Variants in ATAD2B observed in about 807,000 individuals in gnomAD.
The protein encoded by ATAD2B is ATPase family AAA domain containing 2B, also known as ATPase family AAA domain-containing protein 2B.
In ATAD2B, 40 loss-of-function variants were observed where a neutral mutation model predicts 167.6. The observed-to-expected ratio is 0.24, with a 90% CI of 0.19 to 0.31. ATAD2B has a LOEUF of 0.31. ATAD2B is among the 10% of genes least tolerant of loss of function. ATAD2B has a pLI of 1.00. For missense variants in ATAD2B, 1,242 were observed against 1,757.2 expected, an observed-to-expected ratio of 0.71 and a Z score of 5.24; for synonymous variants, 579 against 596.5, an observed-to-expected ratio of 0.97 and a Z score of 0.43.
Position 23,810,397 on chromosome 2 carries a change from T to C in ATAD2B, c.2373A>G (p.Leu791=), listed in dbSNP as rs1399141455. Residue 791 remains leucine (L), a synonymous_variant, in exon 18 of 28, where the codon CTA becomes CTG. Coordinates refer to ENST00000238789, the MANE Select transcript of ATAD2B (RefSeq NM_017552.4). ...SHLAPALLHT[L]ERFSVHRLDL... Reference sequence around the variant, plus strand: ...CTAGTCTATGCACAGAGAATCTTTCTAGAGTGTGCAAAAGTGCTGGAGCAA... The same window carrying C: ...CTAGTCTATGCACAGAGAATCTTTCCAGAGTGTGCAAAAGTGCTGGAGCAA... 1 of 1,613,938 alleles carries C rather than the reference T, an allele frequency of 6.2e-7. No individual in the cohort carries two copies. Among genetic ancestry groups the C allele is most frequent in the East Asian group, 2.2e-5 (1 of 44,880 alleles).
At chr2:23,896,357 A>C (rs1203156780) in intron 1 of ATAD2B, among the ~76,000 whole-genome samples, 8 of 152,180 alleles carry the variant, frequency 5.3e-5, no homozygotes, top group Non-Finnish European at 1.0e-4. Context: ...ATATTCTTGG[A>C]TAATCAAGCA....
intron 1 of ATAD2B, among the ~76,000 whole-genome samples, chr2:23,905,534 A>C (rs1435611750): frequency 6.6e-6 from 1 of 152,100 alleles, no homozygotes; most frequent in African/African-American, 2.4e-5. Flanking sequence ...AAAAAAAGAA[A>C]AGAAAAGAAA....
intron 1 of ATAD2B, among the ~76,000 whole-genome samples, chr2:23,915,536 CTT>C (rs1298846423): frequency 6.8e-6 from 1 of 147,284 alleles, no homozygotes; most frequent in Non-Finnish European, 1.5e-5. Flanking sequence ...TGCTCAGCCT[CTT>C]GAGTAGCTGG....
intron 1 of ATAD2B, among the ~76,000 whole-genome samples, chr2:23,921,960 GT>G (rs1315427143): frequency 2.6e-5 from 4 of 151,998 alleles, no homozygotes; most frequent in Non-Finnish European, 4.4e-5. Flanking sequence ...ACTCTGCTTT[GT>G]TATGTTGGCA....
intron 8 of ATAD2B, among the ~76,000 whole-genome samples, chr2:23,871,228 C>G (rs568540422): frequency 6.6e-6 from 1 of 152,192 alleles, no homozygotes; most frequent in African/African-American, 2.4e-5. Flanking sequence ...CTTCTCCACC[C>G]CTACCTAGGT....
chr2:23,887,727 G>A (rs1412161966), intron 4 of ATAD2B, 105 bp downstream of exon 4: 3 of 1,038,460 alleles, frequency 2.9e-6, no homozygotes, highest in Non-Finnish European at 4.1e-6. Flanking sequence ...AGTTTTTAAA[G>A]AACTGTATTG....
the ATAD2B span, among the ~76,000 whole-genome samples, chr2:23,702,269 GAACATCATAGTTCAGCCAGCTTACCTTA>G: frequency 1.3e-5 from 2 of 152,100 alleles, no homozygotes; most frequent in African/African-American, 4.8e-5. Flanking sequence ...CTGCCCTACT[GAACATCATAGTTCAGCCAGCTTACCTTA>G]AACATGCTCT....
At chr2:23,814,779 G>A (rs978794499) in intron 17 of ATAD2B, among the ~76,000 whole-genome samples, 29 of 152,176 alleles carry the variant, frequency 1.9e-4, no homozygotes, top group Middle Eastern at 3.4e-3. Context: ...ATGTGGCCTG[G>A]CGCAGTGTCT....
rs1382482956 is a variant in ATAD2B at position 23,751,192 on chromosome 2, T to G, written c.*854A>C. 1 of 152,122 alleles carries G rather than the reference T, an allele frequency of 6.6e-6. No homozygotes were observed. The highest frequency in any genetic ancestry group is 6.6e-5 in the Admixed American group (1 of 15,250). 9.4% of individuals were successfully genotyped at this position (152,122 alleles called of 1,614,324 possible). On this transcript the variant is annotated 3_prime_UTR_variant, in exon 28 of 28. Coordinates refer to ENST00000238789, the MANE Select transcript of ATAD2B (RefSeq NM_017552.4). ...AAACGTGTGCAGTTTTGTTTTTTGT[T>G]TTTTTGTGTGTGGACTGTGTATTAT...
At chr2:23,891,738 G>A (rs1329927274) in intron 2 of ATAD2B, among the ~76,000 whole-genome samples, 9 of 121,462 alleles carry the variant, frequency 7.4e-5, no homozygotes, top group Admixed American at 5.5e-4. Flanking sequence ...ATACCCCCCC[G>A]CCCCGACCCC....
intron 25 of ATAD2B, 129 bp from the exon 26 acceptor site, chr2:23,754,903 A>AT (rs915415178): frequency 8.6e-5 from 82 of 955,746 alleles, no homozygotes; most frequent in Middle Eastern, 3.6e-4. Context: ...TTCTTAAGTG[A>AT]TTTTTTTTAA....
chr2:23,752,151 G>T, intron 27 of ATAD2B, 64 bp from the exon 28 acceptor site: 1 of 1,198,814 alleles, frequency 8.3e-7, no homozygotes, highest in Non-Finnish European at 1.2e-6. Flanking sequence ...CCTCATTACG[G>T]AAGAATTCAC....
intron 10 of ATAD2B, among the ~76,000 whole-genome samples, chr2:23,865,360 C>T (rs1329963123): frequency 6.6e-6 from 1 of 152,086 alleles, no homozygotes; most frequent in Non-Finnish European, 1.5e-5. Context: ...GAAACACCAT[C>T]TCTACTAAAA....
At position 23,885,160 on chromosome 2, in the gene ATAD2B, T is replaced by C. The variant is rs146398966; in HGVS notation, c.676-287A>G. The stretch of plus-strand genomic sequence containing the variant: ...GAAATAAGACAATCACAGGTAATTA[T>C]AAAAGAAAGTAAAATAAGTTAAATG... On this transcript the variant is annotated intron_variant, in intron 5 of 27. Coordinates refer to ENST00000238789, the MANE Select transcript of ATAD2B (RefSeq NM_017552.4). 2.6e-5 allele frequency among the ~76,000 whole-genome samples: 4 copies of C among 152,158 alleles called. No homozygotes were observed. The East Asian group carries it at 5.8e-4, about 22-fold the overall frequency.
intron 1 of ATAD2B, among the ~76,000 whole-genome samples, chr2:23,920,739 G>A (rs2150675872): frequency 6.6e-6 from 1 of 152,122 alleles, no homozygotes; most frequent in East Asian, 1.9e-4. Flanking sequence ...TTTAAATGAA[G>A]TTAACACATA....
At chr2:23,898,963 A>T (rs1402543114) in intron 1 of ATAD2B, among the ~76,000 whole-genome samples, 1 of 152,208 alleles carries the variant, frequency 6.6e-6, no homozygotes, top group East Asian at 1.9e-4. Flanking sequence ...AGCCTGACCA[A>T]CATGGTGAAA....
chr2:23,706,961 T>C, the ATAD2B span: 2 of 273,534 alleles, frequency 7.3e-6, no homozygotes, highest in African/African-American at 2.2e-5. Flanking sequence ...ATTTTTCAAC[T>C]GGGAGAGAGA....
chr2:23,802,676 G>T (rs952224559), intron 18 of ATAD2B, among the ~76,000 whole-genome samples: 1 of 150,660 alleles, frequency 6.6e-6, no homozygotes, highest in Non-Finnish European at 1.5e-5. Context: ...TATGGAAAAA[G>T]TCAGATATCC....
the ATAD2B span, among the ~76,000 whole-genome samples, chr2:23,726,571 G>A: frequency 1.3e-5 from 2 of 152,128 alleles, no homozygotes; most frequent in South Asian, 4.1e-4. Flanking sequence ...TCTCAGGGGT[G>A]GCAGTGGTGA....
Sources: allele counts gnomAD v4.1 joint callset (sites outside exome capture counted in the v4.1 genomes callset), GRCh38; gene constraint gnomAD v4.1.1; transcripts MANE v1.5; gene names NCBI Gene and HGNC (gene_info 2026-07-23, HGNC 2026-07-21).